The following ATRNL1 variants were observed in gnomAD, a reference collection of about 807,000 sequenced individuals.
ATRNL1 encodes the protein attractin-like protein 1.
ATRNL1 carries 95 observed loss-of-function variants against 182.7 expected under a neutral mutation model. The observed-to-expected ratio is 0.52, with a 90% confidence interval of 0.44 to 0.62. The LOEUF (loss-of-function observed/expected upper bound fraction) is 0.62. Among genes scored for constraint, ATRNL1 ranks in the 20% least tolerant of loss-of-function variants. The pLI is 0.00. For missense variants in ATRNL1, 1,471 were observed against 1,679.5 expected (o/e 0.88, Z 2.17); for synonymous variants, 576 against 568.3 (o/e 1.01, Z -0.19).
At chr10:115,462,066 A>G (rs1554969801) in intron 22 of ATRNL1, 31 bp downstream of exon 22, 1 of 1,498,806 alleles carries the variant, frequency 6.7e-7, no homozygotes. Flanking sequence ...TTTAAAGTAT[A>G]ATTATTGGAC....
intron 5 of ATRNL1, among the ~76,000 whole-genome samples, chr10:115,137,696 C>A (rs1845577864): frequency 6.6e-6 from 1 of 152,272 alleles, no homozygotes; most frequent in Middle Eastern, 3.4e-3. Flanking sequence ...CAGTTACCTC[C>A]TACTGGGTCC....
At chr10:115,181,067 G>A (rs561985263) in intron 8 of ATRNL1, among the ~76,000 whole-genome samples, 7 of 151,948 alleles carry the variant, frequency 4.6e-5, no homozygotes, top group African/African-American at 1.7e-4. Flanking sequence ...TCCAATCCCT[G>A]TCCTGGAGAA....
At chr10:115,501,453 C>T (rs1592749126) in intron 24 of ATRNL1, among the ~76,000 whole-genome samples, 1 of 152,146 alleles carries the variant, frequency 6.6e-6, no homozygotes, top group African/African-American at 2.4e-5. Context: ...GTTATTGGCT[C>T]CATAAGTTGT....
intron 24 of ATRNL1, among the ~76,000 whole-genome samples, chr10:115,480,901 A>G (rs1410525699): frequency 1.3e-5 from 2 of 151,092 alleles, no homozygotes; most frequent in African/African-American, 2.4e-5. Context: ...ATTAGGTGAG[A>G]TGGTATAAAT....
intron 20 of ATRNL1, among the ~76,000 whole-genome samples, chr10:115,412,598 T>A (rs887115345): frequency 1.3e-5 from 2 of 152,240 alleles, no homozygotes. Context: ...TATACAACTC[T>A]ACATTAGATA....
At chr10:115,780,182 G>A (rs1172188902) in intron 27 of ATRNL1, among the ~76,000 whole-genome samples, 2 of 152,172 alleles carry the variant, frequency 1.3e-5, no homozygotes, top group Admixed American at 1.3e-4. Flanking sequence ...GTGGGACATT[G>A]CATTGAACTC....
chr10:115,863,627 C>G (rs1951367417), intron 28 of ATRNL1, among the ~76,000 whole-genome samples: 1 of 152,134 alleles, frequency 6.6e-6, no homozygotes, highest in African/African-American at 2.4e-5. Flanking sequence ...TAGGTGGATG[C>G]ACATAGAAAT....
At chr10:115,607,028 T>C (rs1555017800) in intron 26 of ATRNL1, among the ~76,000 whole-genome samples, 1 of 152,030 alleles carries the variant, frequency 6.6e-6, no homozygotes, top group Non-Finnish European at 1.5e-5. Context: ...GCAGTGATGA[T>C]ATTTCTCAAT....
intron 21 of ATRNL1, among the ~76,000 whole-genome samples, chr10:115,460,603 T>C (rs1554969543): frequency 6.6e-6 from 1 of 152,078 alleles, no homozygotes; most frequent in African/African-American, 2.4e-5. Flanking sequence ...GAATCACAGT[T>C]AAGGCTTGCT....
chr10:115,772,759 G>A (rs1305189932), intron 27 of ATRNL1, among the ~76,000 whole-genome samples: 3 of 152,054 alleles, frequency 2.0e-5, no homozygotes, highest in Non-Finnish European at 2.9e-5. Flanking sequence ...AACTAAACCT[G>A]TGATTCATAG....
At chr10:115,731,125 G>A (rs574077737) in intron 27 of ATRNL1, among the ~76,000 whole-genome samples, 41 of 152,168 alleles carry the variant, frequency 2.7e-4, no homozygotes, top group African/African-American at 3.9e-4. Flanking sequence ...GCACATCGTC[G>A]CAGACACACC....
intron 19 of ATRNL1, among the ~76,000 whole-genome samples, chr10:115,375,074 G>A (rs377347425): frequency 4.1e-4 from 62 of 151,364 alleles, no homozygotes; most frequent in African/African-American, 1.2e-3. Flanking sequence ...GAAAGCAAGG[G>A]TATTCAAGTC....
chr10:115,840,831 A>C (rs1950789239), intron 27 of ATRNL1, among the ~76,000 whole-genome samples: 1 of 151,990 alleles, frequency 6.6e-6, no homozygotes, highest in Admixed American at 6.6e-5. Flanking sequence ...AGTCTACGTG[A>C]ATGGAGGGGC....
intron 25 of ATRNL1, among the ~76,000 whole-genome samples, chr10:115,526,970 C>T (rs1851248574): frequency 6.6e-6 from 1 of 152,082 alleles, no homozygotes; most frequent in Non-Finnish European, 1.5e-5. Context: ...ACAGGCCCGC[C>T]TTGGTATTTC....
intron 27 of ATRNL1, among the ~76,000 whole-genome samples, chr10:115,764,494 C>A (rs1555074448): frequency 6.6e-6 from 1 of 152,134 alleles, no homozygotes. Flanking sequence ...CTCCCACCAA[C>A]CCCTGGCAAA....
At chr10:115,539,676 A>G (rs1852239962) in intron 25 of ATRNL1, among the ~76,000 whole-genome samples, 1 of 152,028 alleles carries the variant, frequency 6.6e-6, no homozygotes, top group African/African-American at 2.4e-5. Context: ...TCCTGAATTC[A>G]CTCACCCATA....
chr10:115,286,166 C>T (rs1554918749), intron 14 of ATRNL1, 50 bp from the exon 15 acceptor site: 1 of 843,282 alleles, frequency 1.2e-6, no homozygotes, highest in East Asian at 2.6e-5. Flanking sequence ...TTGAAAAATA[C>T]ATTTGCTTTT....
At chr10:115,350,487 G>T (rs1163731473) in intron 19 of ATRNL1, among the ~76,000 whole-genome samples, 1 of 151,116 alleles carries the variant, frequency 6.6e-6, no homozygotes, top group Admixed American at 6.6e-5. Context: ...CCATTCTTCT[G>T]TATATACAGG....
chr10:115,105,019 A>G (rs1220946758), intron 1 of ATRNL1, among the ~76,000 whole-genome samples: 5 of 151,968 alleles, frequency 3.3e-5, no homozygotes, highest in Non-Finnish European at 7.4e-5. Flanking sequence ...TTTGCTTAGA[A>G]TGGCTTTGGC....
Sources: gnomAD v4.1 joint callset for allele counts (sites outside exome capture counted in the v4.1 genomes callset) on GRCh38, gnomAD v4.1.1 for gene constraint, MANE v1.5 for transcripts, NCBI Gene and HGNC (gene_info 2026-07-23, HGNC 2026-07-21) for gene names.